Variants in PRKN observed in about 807,000 individuals in gnomAD.
PRKN encodes E3 ubiquitin-protein ligase parkin.
A neutral mutation model predicts 59.5 loss-of-function variants in PRKN; 56 were observed. The observed-to-expected ratio is 0.94, with a 90% confidence interval of 0.76 to 1.18. The LOEUF is 1.18. Ranked by LOEUF, PRKN falls within the 50% of genes most tolerant of loss-of-function variation. The probability of loss-of-function intolerance (pLI) is 0.00; values close to 1 mark genes in which losing one functional copy is unlikely to be tolerated. For synonymous variants in PRKN, 250 were observed against 222.1 expected, an observed-to-expected ratio of 1.13 and a Z score of -1.12; for missense variants, 657 against 596.4, an observed-to-expected ratio of 1.10 and a Z score of -1.06.
chr6:161,586,466 T>C (rs1219175263), intron 7 of PRKN, among the ~76,000 whole-genome samples: 1 of 152,216 alleles, frequency 6.6e-6, no homozygotes, highest in Non-Finnish European at 1.5e-5. Flanking sequence ...GTCCTCATGA[T>C]GCAAGCGCTT....
chr6:162,178,974 C>T (rs997716699), intron 4 of PRKN, among the ~76,000 whole-genome samples: 9 of 152,130 alleles, frequency 5.9e-5, no homozygotes, highest in African/African-American at 1.4e-4. Context: ...TGGCCTCGAG[C>T]GATCCTCCCA....
Position 161,422,714 on chromosome 6 carries a change from A to C in PRKN, c.1084-35837T>G, listed in dbSNP as rs995780724. On this transcript the variant is annotated intron_variant, in intron 9 of 11. Coordinates refer to ENST00000366898, the MANE Select transcript of PRKN (RefSeq NM_004562.3). ...GGAAAAATAGAGGAAAAAAGGAAGAAGGAAGGAAGAAAGGAAGGCAGGCAG... is the reference window on the plus strand; with the variant it reads ...GGAAAAATAGAGGAAAAAAGGAAGACGGAAGGAAGAAAGGAAGGCAGGCAG... Among the ~76,000 whole-genome samples, 3 of 152,182 alleles carry C rather than the reference A, an allele frequency of 2.0e-5. 1 individual carries two copies. The highest frequency in any genetic ancestry group is 7.2e-5 in the African/African-American group (3 of 41,430).
At chr6:161,389,613 A>G (rs1786416381) in intron 9 of PRKN, among the ~76,000 whole-genome samples, 1 of 152,172 alleles carries the variant, frequency 6.6e-6, no homozygotes, top group Non-Finnish European at 1.5e-5. Flanking sequence ...ATTTTTAAAA[A>G]CATTTATCTG....
At position 161,577,589 on chromosome 6, in the gene PRKN, T is replaced by G. The variant is rs147507712; in HGVS notation, c.872-8173A>C. Among the ~76,000 whole-genome samples the G allele has an allele frequency of 3.4e-3, 521 of 152,342 alleles. 1 individual carries two copies. Among genetic ancestry groups the G allele is most frequent in the African/African-American group, 0.012 (483 of 41,582 alleles). ...AAATTTTGATGCTTTCAGAATAAGC[T>G]GAAAGAAGCCATGAAATATTATCTA... On this transcript the variant is annotated intron_variant, in intron 7 of 11. Transcript: ENST00000366898.
At chr6:162,652,564 A>C (rs918769415) in intron 1 of PRKN, among the ~76,000 whole-genome samples, 4 of 152,196 alleles carry the variant, frequency 2.6e-5, no homozygotes, top group Non-Finnish European at 5.9e-5. Context: ...TAAAAAAAGC[A>C]ATACAACACA....
In PRKN at chr6:161,357,242, G is replaced by A. The variant is rs368554320; in HGVS notation, c.1285+2846C>T. ...AACTTTTCTATTTTTAGTGGAGACGGGGTTTCGCCATGTTGGCCAGGCTGG... is the reference window on the plus strand; with the variant it reads ...AACTTTTCTATTTTTAGTGGAGACGAGGTTTCGCCATGTTGGCCAGGCTGG... On this transcript the variant is annotated intron_variant, in intron 11 of 11. Transcript: ENST00000366898. This position sits in a 1 kb window ranked among gnomAD's most constrained non-coding sequence, Gnocchi z 5.5. Among the ~76,000 whole-genome samples, 1 of 152,104 alleles carries A rather than the reference G, an allele frequency of 6.6e-6. No homozygotes were observed. Among genetic ancestry groups the A allele is most frequent in the African/African-American group, 2.4e-5 (1 of 41,412 alleles).
rs543164303 is a variant in PRKN at position 162,313,550 on chromosome 6, C to T, written c.172-50785G>A. On this transcript the variant is annotated intron_variant, in intron 2 of 11. Coordinates refer to ENST00000366898, the MANE Select transcript of PRKN (RefSeq NM_004562.3). ...TTCCCCAGGCTGGAATCCAATGGTGCGATCTTGGCTCACTGCAACCTCCAC... is the reference window on the plus strand; with the variant it reads ...TTCCCCAGGCTGGAATCCAATGGTGTGATCTTGGCTCACTGCAACCTCCAC... Among the ~76,000 whole-genome samples, 243 of 152,072 alleles carry T rather than the reference C, an allele frequency of 1.6e-3. 1 individual carries two copies. Among genetic ancestry groups the T allele is most frequent in the Middle Eastern group, 3.4e-3 (1 of 294 alleles).
intron 7 of PRKN, among the ~76,000 whole-genome samples, chr6:161,611,649 T>TA (rs1326425873): frequency 6.6e-6 from 1 of 152,194 alleles, no homozygotes; most frequent in African/African-American, 2.4e-5. Context: ...TCCCCTGTCT[T>TA]GCCCCTTCTC....
At chr6:162,005,459 T>C (rs947531692) in intron 5 of PRKN, among the ~76,000 whole-genome samples, 1 of 152,050 alleles carries the variant, frequency 6.6e-6, no homozygotes, top group Non-Finnish European at 1.5e-5. Flanking sequence ...AATGCTGTAG[T>C]GGAAAAGATT....
At position 161,460,604 on chromosome 6, in the gene PRKN, G is replaced by A. The variant is rs564363153; in HGVS notation, c.1084-73727C>T. Among the ~76,000 whole-genome samples, 65 of 152,196 alleles carry A rather than the reference G, an allele frequency of 4.3e-4. 1 individual carries two copies. In the South Asian group the frequency reaches 0.01, roughly 24 times the overall value. On this transcript the variant is annotated intron_variant, in intron 9 of 11. Transcript: ENST00000366898. This position sits in a 1 kb window ranked among gnomAD's most constrained non-coding sequence, Gnocchi z 5.0. ...TGCCACATGTGCTGGCAGGAGTTCCGGGGGCACAAGGCCAAGCTGAAGAAG... is the reference window on the plus strand; with the variant it reads ...TGCCACATGTGCTGGCAGGAGTTCCAGGGGCACAAGGCCAAGCTGAAGAAG...
chr6:162,475,825 C>T (rs573811811), intron 1 of PRKN, among the ~76,000 whole-genome samples: 2 of 152,262 alleles, frequency 1.3e-5, no homozygotes, highest in Non-Finnish European at 2.9e-5. Context: ...AATCTCAGCT[C>T]ACTGCAACCT....
chr6:161,973,244 T>C, intron 6 of PRKN, 58 bp downstream of exon 6: 1 of 1,137,520 alleles, frequency 8.8e-7, no homozygotes, highest in Non-Finnish European at 1.3e-6. Context: ...AGTGATGCTA[T>C]TTTTAGATCC....
chr6:161,716,075 C>T (rs746108793), intron 7 of PRKN: 40 of 1,338,064 alleles, frequency 3.0e-5, no homozygotes, highest in African/African-American at 2.9e-4. Flanking sequence ...CCCATCTTAC[C>T]GACTCCTCTC....
chr6:162,540,506 A>G (rs369430980), intron 1 of PRKN, among the ~76,000 whole-genome samples: 4 of 152,132 alleles, frequency 2.6e-5, no homozygotes, highest in Admixed American at 6.6e-5. Flanking sequence ...CCAAGTTAAA[A>G]TTATAAGAGT....
intron 4 of PRKN, among the ~76,000 whole-genome samples, chr6:162,063,705 C>G (rs1282745357): frequency 6.6e-6 from 1 of 152,020 alleles, no homozygotes; most frequent in Non-Finnish European, 1.5e-5. Context: ...CCACCACACC[C>G]GGCTAATTTT....
At chr6:161,914,527 T>C (rs1778482337) in intron 6 of PRKN, among the ~76,000 whole-genome samples, 1 of 152,146 alleles carries the variant, frequency 6.6e-6, no homozygotes, top group Non-Finnish European at 1.5e-5. Flanking sequence ...ACTGTTTTTT[T>C]TAACGTGAAA....
chr6:161,692,345 C>T (rs535423423), intron 7 of PRKN, among the ~76,000 whole-genome samples: 1 of 152,316 alleles, frequency 6.6e-6, no homozygotes, highest in African/African-American at 2.4e-5. Flanking sequence ...TAAAATTAAA[C>T]CCCCAGAGTA....
chr6:162,561,630 G>T (rs1319065020), intron 1 of PRKN, among the ~76,000 whole-genome samples: 1 of 152,162 alleles, frequency 6.6e-6, no homozygotes, highest in African/African-American at 2.4e-5. Context: ...CCTTACTGGG[G>T]GCGAAGAGCA....
At chr6:162,490,380 T>A (rs529349216) in intron 1 of PRKN, among the ~76,000 whole-genome samples, 3 of 152,274 alleles carry the variant, frequency 2.0e-5, no homozygotes, top group Admixed American at 2.0e-4. Flanking sequence ...TCACTAACTG[T>A]TATACCTTTA....
Sources: allele counts gnomAD v4.1 joint callset (sites outside exome capture counted in the v4.1 genomes callset), GRCh38; gene constraint gnomAD v4.1.1; non-coding constraint Gnocchi (gnomAD v3.1); transcripts MANE v1.5; gene names NCBI Gene and HGNC (gene_info 2026-07-23, HGNC 2026-07-21).